ZC3H12B: variants seen among roughly 807,000 people sequenced by gnomAD.
ZC3H12B encodes the protein zinc finger CCCH-type containing 12B.
In ZC3H12B, 7 loss-of-function variants were observed where a neutral mutation model predicts 43.9. The observed-to-expected ratio is 0.16, with a 90% CI of 0.09 to 0.30. The LOEUF is 0.30. Among genes scored for constraint, ZC3H12B ranks in the 10% least tolerant of loss-of-function variants. The pLI is 1.00. For synonymous variants in ZC3H12B, 222 were observed against 241.7 expected (o/e 0.92, Z 0.76); for missense variants, 475 against 670.2 (o/e 0.71, Z 3.22).
the ZC3H12B span, among the ~76,000 whole-genome samples, chrX:65,158,783 C>A: frequency 8.9e-6 from 1 of 111,733 alleles, no homozygotes; most frequent in Non-Finnish European, 1.9e-5. Flanking sequence ...TTAATTAGAT[C>A]CCATTTGTCA....
At chrX:65,102,567 T>A in the ZC3H12B span, among the ~76,000 whole-genome samples, 1 of 111,489 alleles carries the variant, frequency 9.0e-6, no homozygotes, top group Non-Finnish European at 1.9e-5. Context: ...TGTGCAAAAA[T>A]TACAAGCATT....
intron 3 of ZC3H12B, chrX:65,470,220 G>A (rs142811175): frequency 3.3e-5 from 4 of 121,837 alleles, no homozygotes; most frequent in Non-Finnish European, 3.7e-5. Context: ...GAAAAAGGAG[G>A]TGGAGGGCCG....
intron 2 of ZC3H12B, among the ~76,000 whole-genome samples, chrX:65,371,521 A>T (rs774869621): frequency 1.8e-5 from 2 of 111,787 alleles, no homozygotes; most frequent in African/African-American, 6.5e-5. Flanking sequence ...AAAAGGGAAG[A>T]GTCACTGTTA....
At chrX:65,424,676 T>G (rs2067059113) in intron 3 of ZC3H12B, among the ~76,000 whole-genome samples, 1 of 112,294 alleles carries the variant, frequency 8.9e-6, no homozygotes, top group South Asian at 3.7e-4. Flanking sequence ...GTTTCAATTT[T>G]CTGCATATGG....
chrX:65,247,749 G>C, the ZC3H12B span, among the ~76,000 whole-genome samples: 1 of 111,721 alleles, frequency 9.0e-6, no homozygotes, highest in Non-Finnish European at 1.9e-5. Context: ...GAGAGAGCGA[G>C]CGAGCATCAG....
chrX:65,326,598 G>C, the ZC3H12B span, among the ~76,000 whole-genome samples: 1 of 108,977 alleles, frequency 9.2e-6, no homozygotes, highest in African/African-American at 3.4e-5. Flanking sequence ...TAGATAGATT[G>C]TCAGCATGAC....
At chrX:65,393,322 T>C (rs1469351074) in intron 2 of ZC3H12B, among the ~76,000 whole-genome samples, 2 of 112,215 alleles carry the variant, frequency 1.8e-5, no homozygotes, top group African/African-American at 3.2e-5. Flanking sequence ...GGGATACATG[T>C]GCTTAACGTG....
At chrX:65,302,343 C>T in the ZC3H12B span, among the ~76,000 whole-genome samples, 1 of 110,617 alleles carries the variant, frequency 9.0e-6, no homozygotes, top group South Asian at 3.7e-4. Flanking sequence ...GATTAATATA[C>T]AAAAGTCAAT....
At chrX:65,322,754 AT>A in the ZC3H12B span, among the ~76,000 whole-genome samples, 2 of 110,144 alleles carry the variant, frequency 1.8e-5, no homozygotes, top group African/African-American at 3.3e-5. Flanking sequence ...AAAGTTTAGA[AT>A]TTTTTTTTCT....
chrX:65,389,265 G>T (rs1426135084), intron 2 of ZC3H12B, among the ~76,000 whole-genome samples: 1 of 112,263 alleles, frequency 8.9e-6, no homozygotes, highest in Non-Finnish European at 1.9e-5. Context: ...AGGCCTTCTT[G>T]AGCTGTGGTG....
the ZC3H12B span, among the ~76,000 whole-genome samples, chrX:65,084,995 T>C: frequency 8.9e-6 from 1 of 112,018 alleles, no homozygotes; most frequent in Non-Finnish European, 1.9e-5. Flanking sequence ...TTAAATGAAA[T>C]AAGCCAGGCA....
chrX:65,407,635 C>G (rs1300857498), intron 3 of ZC3H12B, among the ~76,000 whole-genome samples: 1 of 113,456 alleles, frequency 8.8e-6, no homozygotes, highest in East Asian at 2.8e-4. Flanking sequence ...AGGAGGCGGA[C>G]CAGGAGAAGA....
the ZC3H12B span, among the ~76,000 whole-genome samples, chrX:65,354,089 A>T: frequency 9.0e-6 from 1 of 111,730 alleles, no homozygotes; most frequent in Admixed American, 9.4e-5. Context: ...AGAGCACCAG[A>T]TCTCCCAGCA....
At chrX:65,064,366 G>A in the ZC3H12B span, among the ~76,000 whole-genome samples, 1 of 111,850 alleles carries the variant, frequency 8.9e-6, no homozygotes, top group South Asian at 3.7e-4. Context: ...TGTTCTCATT[G>A]TTTTCAAAGT....
intron 3 of ZC3H12B, among the ~76,000 whole-genome samples, chrX:65,458,084 TTAAA>T (rs2067660296): frequency 2.9e-4 from 14 of 48,964 alleles, no homozygotes; most frequent in African/African-American, 1.7e-3. Flanking sequence ...AAAAAAAAAA[TTAAA>T]AAAAAAAAAA....
At chrX:65,294,133 C>A in the ZC3H12B span, among the ~76,000 whole-genome samples, 5 of 111,502 alleles carry the variant, frequency 4.5e-5, no homozygotes, top group East Asian at 1.1e-3. Flanking sequence ...TAAAGGAAAA[C>A]CTATCAGATG....
the ZC3H12B span, among the ~76,000 whole-genome samples, chrX:65,047,296 G>T: frequency 9.0e-6 from 1 of 111,605 alleles, no homozygotes; most frequent in African/African-American, 3.2e-5. Context: ...TGCAATAAAT[G>T]TACAGGGAGA....
the ZC3H12B span, among the ~76,000 whole-genome samples, chrX:65,307,110 C>T: frequency 1.8e-5 from 2 of 112,320 alleles, no homozygotes; most frequent in Non-Finnish European, 3.8e-5. Flanking sequence ...TAGGCATACA[C>T]ATATGTGAAA....
At chrX:65,231,516 T>G in the ZC3H12B span, among the ~76,000 whole-genome samples, 124 of 110,899 alleles carry the variant, frequency 1.1e-3, no homozygotes, top group African/African-American at 3.9e-3. Flanking sequence ...ATCCTTATCT[T>G]AACCACATAA....
Sources: gnomAD v4.1 joint callset for allele counts (sites outside exome capture counted in the v4.1 genomes callset) on GRCh38, gnomAD v4.1.1 for gene constraint, MANE v1.5 for transcripts, NCBI Gene and HGNC (gene_info 2026-07-23, HGNC 2026-07-21) for gene names.